The following TMEM132D variants were observed in gnomAD, a reference collection of about 807,000 sequenced individuals.
TMEM132D encodes the protein mature OL transmembrane protein.
A neutral mutation model predicts 62.3 loss-of-function variants in TMEM132D; 21 were observed. The observed-to-expected ratio is 0.34, with a 90% CI of 0.24 to 0.49. The LOEUF (loss-of-function observed/expected upper bound fraction) is 0.49. TMEM132D is among the 20% of genes least tolerant of loss of function. The pLI, the probability that TMEM132D is intolerant of heterozygous loss-of-function variation, is 0.99. For synonymous variants in TMEM132D, 621 were observed against 575.6 expected, an observed-to-expected ratio of 1.08 and a Z score of -1.13; for missense variants, 1,346 against 1,402.8, an observed-to-expected ratio of 0.96 and a Z score of 0.65.
chr12:129,555,910 T>C (rs1877042300), intron 2 of TMEM132D, among the ~76,000 whole-genome samples: 1 of 152,186 alleles, frequency 6.6e-6, no homozygotes, highest in African/African-American at 2.4e-5. Flanking sequence ...TGTCTCTCTC[T>C]GTAGATAATT....
intron 1 of TMEM132D, among the ~76,000 whole-genome samples, chr12:129,758,852 C>T (rs1870256606): frequency 6.6e-6 from 1 of 151,744 alleles, no homozygotes; most frequent in African/African-American, 2.4e-5. Context: ...TTGAGGTGAT[C>T]TAGTAATTTT....
chr12:129,264,977 G>C (rs1490232157), intron 4 of TMEM132D, among the ~76,000 whole-genome samples: 4 of 152,068 alleles, frequency 2.6e-5, no homozygotes, highest in African/African-American at 9.7e-5. Flanking sequence ...ATGCTGCTTG[G>C]GTGATGGGTG....
Position 129,779,749 on chromosome 12 carries a change from C to T in TMEM132D, c.80-79051G>A, listed in dbSNP as rs575983020. On this transcript the variant is annotated intron_variant, in intron 1 of 8. Transcript: ENST00000422113. The surrounding 1 kb of genome is among the most constrained non-coding windows in gnomAD (Gnocchi z 4.1). ...CGAGTCTCATTACTTATGGTTTATTCTGGGAACAGGATTTAAGGGGTCGCC... is the reference window on the plus strand; with the variant it reads ...CGAGTCTCATTACTTATGGTTTATTTTGGGAACAGGATTTAAGGGGTCGCC... Among the ~76,000 whole-genome samples, 18 of 152,204 alleles carry T rather than the reference C, an allele frequency of 1.2e-4. No homozygotes were observed. Among genetic ancestry groups the T allele is most frequent in the Admixed American group, 1.0e-3 (16 of 15,294 alleles).
rs1049872361 is a variant in TMEM132D at position 129,903,116 on chromosome 12, CGCGCGCACACACACATGCACACAA to C, written c.79+121_79+144del. The C allele has an allele frequency of 4.3e-5, 38 of 885,392 alleles. No individual in the cohort carries two copies. Among genetic ancestry groups the C allele is most frequent in the Non-Finnish European group, 4.5e-5 (26 of 575,674 alleles). 54.8% of individuals were successfully genotyped at this position (885,392 alleles called of 1,614,324 possible). A position where few individuals can be genotyped will look rare whatever the true frequency, so the allele number is the denominator to read the frequency against. On this transcript the variant is annotated intron_variant, in intron 1 of 8. Coordinates refer to ENST00000422113, the MANE Select transcript of TMEM132D (RefSeq NM_133448.3). This position sits in a 1 kb window ranked among gnomAD's most constrained non-coding sequence, Gnocchi z 6.2. ...GCTGCCGCACGAGCGCACGTTCACA[CGCGCGCACACACACATGCACACAA>C]GCGCGCACACACACTTGCACACGAG... is the stretch of plus-strand genomic sequence containing the variant.
chr12:129,788,273 C>T lies in TMEM132D; in HGVS notation c.80-87575G>A, dbSNP rs529456623. On this transcript the variant is annotated intron_variant, in intron 1 of 8. Transcript: ENST00000422113. ...GCTCTAGCATTCTCCATTTAACCTACTATTGCCTGTGATCTCACAAACTCC... is the reference window on the plus strand; with the variant it reads ...GCTCTAGCATTCTCCATTTAACCTATTATTGCCTGTGATCTCACAAACTCC... 9.2e-5 allele frequency among the ~76,000 whole-genome samples: 14 copies of T among 152,370 alleles called. No homozygotes were observed. The South Asian group carries it at 2.9e-3, about 32-fold the overall frequency.
chr12:129,634,473 C>CAAAAA (rs71451324), intron 2 of TMEM132D, among the ~76,000 whole-genome samples: 2 of 129,474 alleles, frequency 1.5e-5, no homozygotes, highest in African/African-American at 5.9e-5. Context: ...AACCTTGTCT[C>CAAAAA]AAAAAAAAAA....
intron 5 of TMEM132D, among the ~76,000 whole-genome samples, chr12:129,199,861 C>A (rs1878651215): frequency 6.6e-6 from 1 of 152,146 alleles, no homozygotes; most frequent in African/African-American, 2.4e-5. Flanking sequence ...GGGTCCCTCG[C>A]ATGACACATG....
At chr12:129,248,659 G>A (rs986965270) in intron 4 of TMEM132D, among the ~76,000 whole-genome samples, 3 of 152,032 alleles carry the variant, frequency 2.0e-5, no homozygotes, top group African/African-American at 7.2e-5. Context: ...CATCACCCAG[G>A]TATTAAGCCT....
chr12:129,240,617 A>G (rs1159321196), intron 4 of TMEM132D, among the ~76,000 whole-genome samples: 1 of 152,230 alleles, frequency 6.6e-6, no homozygotes, highest in Non-Finnish European at 1.5e-5. Context: ...AAAAAGCTTT[A>G]TGATTTTGAA....
chr12:129,592,661 C>G (rs1246761077), intron 2 of TMEM132D, among the ~76,000 whole-genome samples: 1 of 152,118 alleles, frequency 6.6e-6, no homozygotes, highest in East Asian at 1.9e-4. Context: ...AAAGAATGAG[C>G]CAGCTCTACA....
chr12:129,405,126 C>T (rs1426252539), intron 3 of TMEM132D, among the ~76,000 whole-genome samples: 3 of 152,214 alleles, frequency 2.0e-5, no homozygotes, highest in East Asian at 1.9e-4. Flanking sequence ...ACCAGAGGCT[C>T]GGTGGCTTAA....
intron 5 of TMEM132D, among the ~76,000 whole-genome samples, chr12:129,180,703 T>C (rs1312046400): frequency 6.6e-6 from 1 of 152,170 alleles, no homozygotes; most frequent in Non-Finnish European, 1.5e-5. Flanking sequence ...AAGGAGGCCG[T>C]TTCCAGATCT....
chr12:129,828,707 GAAGGAAGGGAGGAAA>G (rs1872731210), intron 1 of TMEM132D, among the ~76,000 whole-genome samples: 2 of 9,936 alleles, frequency 2.0e-4, no homozygotes, highest in East Asian at 2.5e-3. Flanking sequence ...GAGGGAGGGA[GAAGGAAGGGAGGAAA>G]GGAGGGAGGG....
At chr12:129,142,963 CTG>C (rs775736367) in intron 5 of TMEM132D, among the ~76,000 whole-genome samples, 2 of 152,152 alleles carry the variant, frequency 1.3e-5, no homozygotes, top group African/African-American at 2.4e-5. Context: ...ATCTCTCAAA[CTG>C]TGTTTTCCTC....
chr12:129,584,811 T>C (rs890752548), intron 2 of TMEM132D, among the ~76,000 whole-genome samples: 3 of 152,180 alleles, frequency 2.0e-5, no homozygotes, highest in Non-Finnish European at 4.4e-5. Flanking sequence ...CAATCATACA[T>C]AATGAAATTA....
intron 3 of TMEM132D, among the ~76,000 whole-genome samples, chr12:129,394,142 G>A (rs1871358534): frequency 6.6e-6 from 1 of 152,182 alleles, no homozygotes; most frequent in African/African-American, 2.4e-5. Context: ...AGGATGCTGT[G>A]CCATTGATCA....
intron 4 of TMEM132D, among the ~76,000 whole-genome samples, chr12:129,302,080 G>C (rs1456448191): frequency 2.6e-5 from 4 of 152,092 alleles, no homozygotes; most frequent in Admixed American, 2.6e-4. Flanking sequence ...GCAAGAACAA[G>C]GTCTATCCAC....
In TMEM132D at chr12:129,546,696, G is replaced by A. The variant is rs182263720; in HGVS notation, c.969-15491C>T. ...TACACCTGTAATCCCAGCAACTCAG[G>A]AGGCTGAGGCAGGAGAATTGCTTGA... is the stretch of plus-strand genomic sequence containing the variant. On this transcript the variant is annotated intron_variant, in intron 2 of 8. Transcript: ENST00000422113. 8.5e-5 allele frequency among the ~76,000 whole-genome samples: 13 copies of A among 152,120 alleles called. No individual in the cohort carries two copies. The East Asian group carries it at 1.9e-3, about 23-fold the overall frequency.
chr12:129,758,538 C>G (rs1870245587), intron 1 of TMEM132D, among the ~76,000 whole-genome samples: 1 of 152,184 alleles, frequency 6.6e-6, no homozygotes. Context: ...TTCTCCTATT[C>G]CCAAGAGTAT....
Sources: gnomAD v4.1 joint callset for allele counts (sites outside exome capture counted in the v4.1 genomes callset) on GRCh38, gnomAD v4.1.1 for gene constraint, Gnocchi (gnomAD v3.1) non-coding constraint, MANE v1.5 for transcripts, NCBI Gene and HGNC (gene_info 2026-07-23, HGNC 2026-07-21) for gene names.